AFG3L2: variants seen among roughly 807,000 people sequenced by gnomAD.
AFG3L2 encodes the protein AFG3 like matrix AAA peptidase subunit 2, also known as mitochondrial inner membrane m-AAA protease component AFG3L2.
In AFG3L2, 54 loss-of-function variants were observed where a neutral mutation model predicts 94.5. The ratio of observed to expected loss-of-function variants is 0.57; its 90% confidence interval spans 0.46 to 0.72. The LOEUF (loss-of-function observed/expected upper bound fraction) is 0.72. Ranked by LOEUF, AFG3L2 falls within the 30% of genes least tolerant of loss-of-function variation. The pLI, the probability that AFG3L2 is intolerant of heterozygous loss-of-function variation, is 0.00. For synonymous variants in AFG3L2, 377 were observed against 365.5 expected, an observed-to-expected ratio of 1.03 and a Z score of -0.36; for missense variants, 754 against 994.9, an observed-to-expected ratio of 0.76 and a Z score of 3.26.
chr18:12,363,674 A>T, intron 6 of AFG3L2, 108 bp downstream of exon 6: 4 of 862,412 alleles, frequency 4.6e-6, no homozygotes, highest in Non-Finnish European at 7.9e-6. Context: ...CAGTTCTGAT[A>T]TATCTGGTGC....
chr18:12,341,694 G>T (rs1212181543), intron 14 of AFG3L2: 1 of 152,104 alleles, frequency 6.6e-6, no homozygotes, highest in Admixed American at 6.5e-5. Flanking sequence ...TCAGTTTATT[G>T]ATATTATACA....
chr18:12,344,334 T>A (rs1908055774), intron 13 of AFG3L2, 87 bp from the exon 14 acceptor site: 2 of 1,133,100 alleles, frequency 1.8e-6, no homozygotes, highest in Non-Finnish European at 2.6e-6. Context: ...TACATTGCCT[T>A]ACCTAAAATG....
At position 12,344,222 on chromosome 18, in the gene AFG3L2, C is replaced by T. The variant is rs897402798; in HGVS notation, c.1689G>A (p.Leu563=). 5 of 1,614,178 alleles carry T rather than the reference C, an allele frequency of 3.1e-6. No homozygotes were observed. In the Admixed American group the frequency reaches 6.7e-5, roughly 22 times the overall value. The change falls in exon 14 of 17, where the codon CTG becomes CTA. Residue 563 remains leucine (L), a synonymous_variant. Transcript: ENST00000269143. ...IGGLEKKTQV[L]QPEEKKTVAY... ...CCACAGTCTTCTTCTCCTCAGGCTGCAGAACCTGCGTTTTCTTCTCTAAGC... is the reference window on the plus strand; with the variant it reads ...CCACAGTCTTCTTCTCCTCAGGCTGTAGAACCTGCGTTTTCTTCTCTAAGC...
chr18:12,338,976 C>A (rs969354120), intron 15 of AFG3L2, among the ~76,000 whole-genome samples: 2 of 151,990 alleles, frequency 1.3e-5, no homozygotes, highest in East Asian at 3.9e-4. Context: ...TTCTCGGGGC[C>A]GGGCACGGTG....
Position 12,329,523 on chromosome 18 carries a change from G to A in AFG3L2, c.*42C>T. 6.3e-7 allele frequency: 1 copy of A among 1,591,774 alleles called. No homozygotes were observed. The highest frequency in any genetic ancestry group is 8.6e-7 in the Non-Finnish European group (1 of 1,160,950). ...CCACAGCTGAAATAATGCACCAGCT[G>A]AAACCACAGTGGACAGACTGAGATG... On this transcript the variant is annotated 3_prime_UTR_variant, in exon 17 of 17. Coordinates refer to ENST00000269143, the MANE Select transcript of AFG3L2 (RefSeq NM_006796.3).
At position 12,377,167 on chromosome 18, in the gene AFG3L2, T is replaced by G. The variant is rs1433298964; in HGVS notation, c.-85A>C. ...GGCGGCCTCGGGAAGCGGGCTCGGC[T>G]CGGGGAAAGGCCGCCAGGCAGCGAA... On this transcript the variant is annotated 5_prime_UTR_variant, in exon 1 of 17. Coordinates refer to ENST00000269143, the MANE Select transcript of AFG3L2 (RefSeq NM_006796.3). 9.2e-7 allele frequency: 1 copy of G among 1,090,740 alleles called. No individual in the cohort carries two copies. Among genetic ancestry groups the G allele is most frequent in the African/African-American group, 1.7e-5 (1 of 60,056 alleles). 67.6% of individuals were successfully genotyped at this position (1,090,740 alleles called of 1,614,324 possible).
At chr18:12,343,239 T>C (rs1908011878) in intron 14 of AFG3L2, 1 of 152,270 alleles carries the variant, frequency 6.6e-6, no homozygotes, top group Non-Finnish European at 1.5e-5. Flanking sequence ...CATTTTCCAA[T>C]TGTTTATTGC....
intron 13 of AFG3L2, among the ~76,000 whole-genome samples, chr18:12,346,392 C>A (rs1908136922): frequency 6.6e-6 from 1 of 152,212 alleles, no homozygotes; most frequent in Non-Finnish European, 1.5e-5. Flanking sequence ...TGCCCCGGCT[C>A]ACATGCAGGA....
Position 12,376,993 on chromosome 18 carries a change from C to A in AFG3L2, c.90G>T (p.Pro30=). 6.8e-7 allele frequency: 1 copy of A among 1,459,990 alleles called. No individual in the cohort carries two copies. Among genetic ancestry groups the A allele is most frequent in the Non-Finnish European group, 9.0e-7 (1 of 1,110,300 alleles). 90.4% of individuals were successfully genotyped at this position (1,459,990 alleles called of 1,614,324 possible). The change falls in exon 1 of 17, where the codon CCG becomes CCT. Residue 30 remains proline, a synonymous_variant. Transcript: ENST00000269143. ...QQLLVPGGVG[P]GEQPCLRTLY... Reference sequence around the variant, plus strand: ...CCGTCCGGAGGCAGGGCTGCTCGCCCGGGCCCACGCCGCCAGGCACGAGGA... The same window carrying A: ...CCGTCCGGAGGCAGGGCTGCTCGCCAGGGCCCACGCCGCCAGGCACGAGGA...
chr18:12,348,720 C>A (rs564343014), intron 12 of AFG3L2, among the ~76,000 whole-genome samples: 1 of 152,186 alleles, frequency 6.6e-6, no homozygotes, highest in Non-Finnish European at 1.5e-5. Flanking sequence ...TTAGTTCTAT[C>A]ACCTGTGTTG....
chr18:12,371,837 A>G, intron 1 of AFG3L2, 146 bp from the exon 2 acceptor site: 1 of 693,100 alleles, frequency 1.4e-6, no homozygotes, highest in Non-Finnish European at 2.5e-6. Context: ...CTTAGTGAGG[A>G]CTAGGATTAC....
chr18:12,357,694 T>G (rs1303424526), intron 8 of AFG3L2, among the ~76,000 whole-genome samples: 1 of 152,070 alleles, frequency 6.6e-6, no homozygotes, highest in Non-Finnish European at 1.5e-5. Context: ...ACCTCCCAGG[T>G]TGAAGCGATT....
intron 14 of AFG3L2, chr18:12,341,952 AT>A (rs1375337484): frequency 6.6e-6 from 1 of 152,050 alleles, no homozygotes; most frequent in African/African-American, 2.4e-5. Context: ...GGTTCAAGTG[AT>A]CCTCCCCATC....
intron 3 of AFG3L2, among the ~76,000 whole-genome samples, chr18:12,368,060 G>T (rs1178634480): frequency 6.6e-6 from 1 of 152,078 alleles, no homozygotes; most frequent in Non-Finnish European, 1.5e-5. Context: ...CCAGCTACTA[G>T]GGAGGCTGAG....
chr18:12,365,140 G>A (rs1908767541), intron 5 of AFG3L2, among the ~76,000 whole-genome samples: 1 of 152,230 alleles, frequency 6.6e-6, no homozygotes, highest in African/African-American at 2.4e-5. Context: ...CAATCCCAGA[G>A]GGGCTGGAAT....
chr18:12,374,110 T>G (rs546367366), intron 1 of AFG3L2, among the ~76,000 whole-genome samples: 14 of 152,334 alleles, frequency 9.2e-5, no homozygotes, highest in African/African-American at 3.4e-4. Flanking sequence ...TGTGTTGACA[T>G]GGAATATCCC....
chr18:12,377,163 C>A lies in AFG3L2; in HGVS notation c.-81G>T, dbSNP rs1434142588. 2 of 1,136,860 alleles carry A rather than the reference C, an allele frequency of 1.8e-6. No homozygotes were observed. Among genetic ancestry groups the A allele is most frequent in the South Asian group, 1.5e-5 (1 of 66,582 alleles). The allele number at this position is 1,136,860 out of a possible 1,614,324, so 70.4% of individuals were successfully genotyped here. A position where few individuals can be genotyped will look rare whatever the true frequency, so the allele number is the denominator to read the frequency against. ...GACTGGCGGCCTCGGGAAGCGGGCTCGGCTCGGGGAAAGGCCGCCAGGCAG... is the reference window on the plus strand; with the variant it reads ...GACTGGCGGCCTCGGGAAGCGGGCTAGGCTCGGGGAAAGGCCGCCAGGCAG... On this transcript the variant is annotated 5_prime_UTR_variant, in exon 1 of 17. Transcript: ENST00000269143.
intron 16 of AFG3L2, among the ~76,000 whole-genome samples, chr18:12,332,682 A>T (rs575981394): frequency 0.053 from 2,296 of 43,068 alleles, 30 homozygotes; most frequent in East Asian, 0.084. Flanking sequence ...ATATATATAT[A>T]TATTTTTTGT....
In AFG3L2 at chr18:12,366,156, G is replaced by A. The variant is rs548821454; in HGVS notation, c.552+809C>T. Among the ~76,000 whole-genome samples, 26 of 152,156 alleles carry A rather than the reference G, an allele frequency of 1.7e-4. No individual in the cohort carries two copies. The South Asian group carries it at 2.7e-3, about 16-fold the overall frequency. On this transcript the variant is annotated intron_variant, in intron 5 of 16. Transcript: ENST00000269143. ...CTCCCAAAGTGCTGGGATTACAGGC[G>A]TGACCCACTACGCCCGGCCACTGCA...
Sources: allele counts gnomAD v4.1 joint callset (sites outside exome capture counted in the v4.1 genomes callset), GRCh38; gene constraint gnomAD v4.1.1; transcripts MANE v1.5; gene names NCBI Gene and HGNC (gene_info 2026-07-23, HGNC 2026-07-21).